Variants in BICD1 observed in about 807,000 individuals in gnomAD.
BICD1 encodes protein bicaudal D homolog 1.
Under a neutral mutation model 92.5 loss-of-function variants are expected in BICD1, and 35 were observed. The observed-to-expected ratio is 0.38, with a 90% CI of 0.29 to 0.50. BICD1 has a LOEUF of 0.50. BICD1 is among the 20% of genes least tolerant of loss of function. The probability of loss-of-function intolerance (pLI) is 0.93; values close to 1 mark genes in which losing one functional copy is unlikely to be tolerated. For missense variants in BICD1, 950 were observed against 1,189.8 expected (o/e 0.80, Z 2.97); for synonymous variants, 429 against 465.1 (o/e 0.92, Z 1.00).
chr12:32,196,916 T>C (rs2121541453), intron 1 of BICD1, among the ~76,000 whole-genome samples: 1 of 152,300 alleles, frequency 6.6e-6, no homozygotes, highest in Admixed American at 6.5e-5. Flanking sequence ...CTTTGTTAAA[T>C]AAGTACTTTA....
intron 8 of BICD1, among the ~76,000 whole-genome samples, chr12:32,356,732 G>A (rs564200198): frequency 1.3e-5 from 2 of 152,174 alleles, no homozygotes; most frequent in Non-Finnish European, 2.9e-5. Flanking sequence ...CCTCACTTAA[G>A]ACTCCAGTGC....
At chr12:32,172,742 G>A (rs1018404581) in intron 1 of BICD1, among the ~76,000 whole-genome samples, 65 of 152,256 alleles carry the variant, frequency 4.3e-4, no homozygotes, top group African/African-American at 1.5e-3. Flanking sequence ...ATTCATTTGT[G>A]TGCTTACCAT....
chr12:32,239,173 G>T (rs1946161924), intron 2 of BICD1, among the ~76,000 whole-genome samples: 1 of 150,304 alleles, frequency 6.7e-6, no homozygotes, highest in Non-Finnish European at 1.5e-5. Context: ...CGTGAACCTG[G>T]CAGGCGGAGG....
intron 1 of BICD1, among the ~76,000 whole-genome samples, chr12:32,138,480 A>G (rs997258511): frequency 2.0e-5 from 3 of 152,188 alleles, no homozygotes; most frequent in African/African-American, 7.2e-5. Context: ...TGACTTAACG[A>G]TGGTTCATCT....
chr12:32,107,633 G>T lies in BICD1; in HGVS notation c.213+89G>T, dbSNP rs11834824. On this transcript the variant is annotated intron_variant, in intron 1 of 9. Coordinates refer to ENST00000652176, the MANE Select transcript of BICD1 (RefSeq NM_001714.4). ...TCATGATCAAGAAGTCATAAAGGAGGTGATTGAAAGGACTGTTTTTTCTTC... is the reference window on the plus strand; with the variant it reads ...TCATGATCAAGAAGTCATAAAGGAGTTGATTGAAAGGACTGTTTTTTCTTC... 231 of 1,367,804 alleles carry T rather than the reference G, an allele frequency of 1.7e-4. No homozygotes were observed. In the African/African-American group the frequency reaches 3.1e-3, roughly 18 times the overall value. 84.7% of individuals were successfully genotyped at this position (1,367,804 alleles called of 1,614,324 possible).
At chr12:32,238,569 C>G (rs4001803) in intron 2 of BICD1, among the ~76,000 whole-genome samples, 4 of 152,102 alleles carry the variant, frequency 2.6e-5, no homozygotes, top group East Asian at 1.9e-4. Flanking sequence ...GAGTAAAATG[C>G]GATCAAACAG....
intron 2 of BICD1, among the ~76,000 whole-genome samples, chr12:32,281,930 C>A (rs1035246975): frequency 5.3e-5 from 8 of 152,100 alleles, no homozygotes; most frequent in African/African-American, 1.9e-4. Flanking sequence ...ACAACATGCT[C>A]TCATGGCTCT....
At chr12:32,260,238 TTTG>T (rs1946823678) in intron 2 of BICD1, among the ~76,000 whole-genome samples, 1 of 152,220 alleles carries the variant, frequency 6.6e-6, no homozygotes, top group Non-Finnish European at 1.5e-5. Flanking sequence ...CTTTTTTTCT[TTTG>T]TTTTGTTGAA....
rs552546467 is a variant in BICD1 at position 32,184,541 on chromosome 12, T to C, written c.214-31706T>C. Among the ~76,000 whole-genome samples the C allele has an allele frequency of 1.5e-3, 221 of 152,276 alleles. 1 individual carries two copies. The highest frequency in any genetic ancestry group is 2.8e-3 in the Non-Finnish European group (190 of 68,006). ...ACCTCGTGATCCACCCACCTCGGCC[T>C]CCCAAAGTGCTGGGATTACAGGTGT... On this transcript the variant is annotated intron_variant, in intron 1 of 9. Coordinates refer to ENST00000652176, the MANE Select transcript of BICD1 (RefSeq NM_001714.4).
chr12:32,110,919 A>G (rs898883689), intron 1 of BICD1, among the ~76,000 whole-genome samples: 95 of 152,024 alleles, frequency 6.2e-4, no homozygotes, highest in African/African-American at 1.3e-3. Flanking sequence ...GCACACCAGC[A>G]TGGCACATGT....
At chr12:32,198,546 C>CTTTTTTTTTTTTTT (rs113075749) in intron 1 of BICD1, among the ~76,000 whole-genome samples, 1 of 134,508 alleles carries the variant, frequency 7.4e-6, no homozygotes, top group Non-Finnish European at 1.6e-5. Context: ...TATCCCCACT[C>CTTTTTTTTTTTTTT]TTTTTTTTTT....
Position 32,327,698 on chromosome 12 carries a change from A to G in BICD1, c.1243A>G (p.Ile415Val). 6.2e-7 allele frequency: 1 copy of G among 1,614,150 alleles called. No individual in the cohort carries two copies. The highest frequency in any genetic ancestry group is 1.3e-5 in the African/African-American group (1 of 75,042). ...DYEVDINGLE[I>V]LECKYRVAVT... The stretch of plus-strand genomic sequence containing the variant: ...TGAGGTGGACATCAATGGTTTAGAG[A>G]TCCTTGAATGCAAATACAGGGTGGC... The change falls in exon 5 of 10, where the codon ATC (isoleucine) becomes GTC (valine). Residue 415 changes from isoleucine (I) to valine (V), a missense_variant. Ile to Val is a conservative substitution (Grantham distance 29, BLOSUM62 3). Around this residue, in one of 5 missense-constraint regions of BICD1, gnomAD observed 246 missense variants for 258.4 expected, o/e 0.95. Transcript: ENST00000652176.
At chr12:32,282,199 C>CTT (rs1565639578) in intron 2 of BICD1, among the ~76,000 whole-genome samples, 5 of 68,992 alleles carry the variant, frequency 7.2e-5, no homozygotes, top group Admixed American at 2.2e-4. Context: ...TTCAGGTCTT[C>CTT]TTCTTTTTTT....
At chr12:32,275,949 G>A (rs1947263571) in intron 2 of BICD1, among the ~76,000 whole-genome samples, 1 of 152,104 alleles carries the variant, frequency 6.6e-6, no homozygotes. Context: ...AGAACCCCAG[G>A]TCAGAGAACA....
intron 1 of BICD1, among the ~76,000 whole-genome samples, chr12:32,211,833 C>T (rs934943586): frequency 6.6e-6 from 1 of 152,158 alleles, no homozygotes; most frequent in Non-Finnish European, 1.5e-5. Flanking sequence ...CAGCAGGCCA[C>T]TGTGGGGAGA....
intron 2 of BICD1, among the ~76,000 whole-genome samples, chr12:32,262,634 C>T (rs907661380): frequency 4.6e-5 from 7 of 152,052 alleles, no homozygotes; most frequent in Admixed American, 2.0e-4. Context: ...TTACAGTGAG[C>T]CTTAAAGCCA....
intron 2 of BICD1, among the ~76,000 whole-genome samples, chr12:32,259,193 C>A (rs1318912662): frequency 6.6e-6 from 1 of 152,146 alleles, no homozygotes; most frequent in Non-Finnish European, 1.5e-5. Flanking sequence ...ATTAGTAACA[C>A]AACAAAGAGT....
At chr12:32,321,218 C>T (rs1948648127) in intron 4 of BICD1, among the ~76,000 whole-genome samples, 2 of 152,012 alleles carry the variant, frequency 1.3e-5, no homozygotes, top group Admixed American at 6.6e-5. Flanking sequence ...CCCAACTACT[C>T]GGGAGGCTGA....
intron 1 of BICD1, among the ~76,000 whole-genome samples, chr12:32,152,331 C>A (rs942221989): frequency 1.3e-5 from 2 of 151,650 alleles, no homozygotes; most frequent in Non-Finnish European, 2.9e-5. Context: ...TCACTTTAAC[C>A]TTGAACTCCT....
Sources: allele counts gnomAD v4.1 joint callset (sites outside exome capture counted in the v4.1 genomes callset), GRCh38; gene constraint gnomAD v4.1.1; regional missense constraint gnomAD v4.1.1; transcripts MANE v1.5; gene names NCBI Gene and HGNC (gene_info 2026-07-23, HGNC 2026-07-21).